The following LUZP2 variants were observed in gnomAD, a reference collection of about 807,000 sequenced individuals.
The protein encoded by LUZP2 is leucine zipper protein 2.
In LUZP2, 52 loss-of-function variants were observed where a neutral mutation model predicts 51.6. The observed-to-expected ratio is 1.01, with a 90% CI of 0.81 to 1.27. The LOEUF (loss-of-function observed/expected upper bound fraction) is 1.27. Among genes scored for constraint, LUZP2 ranks in the 50% most tolerant of loss-of-function variants. The probability of loss-of-function intolerance (pLI) is 0.00; values close to 1 mark genes in which losing one functional copy is unlikely to be tolerated. For synonymous variants in LUZP2, 154 were observed against 137.3 expected (o/e 1.12, Z -0.85); for missense variants, 436 against 395.4 (o/e 1.10, Z -0.87).
rs139205863 is a variant in LUZP2, at chr11:24,892,607, A to G, written c.397-13384A>G. Reference sequence around the variant, plus strand: ...AGTCAAGTGCTAATCTCTTGAATGAAGCTGAATTAGGTAGTCAACTACTAG... The same window carrying G: ...AGTCAAGTGCTAATCTCTTGAATGAGGCTGAATTAGGTAGTCAACTACTAG... On this transcript the variant is annotated intron_variant, in intron 5 of 11. Transcript: ENST00000336930. 489 of 273,910 alleles carry G rather than the reference A, an allele frequency of 1.8e-3. 2 individuals are homozygous for G. In the Middle Eastern group the frequency reaches 0.039, roughly 22 times the overall value. The allele number at this position is 273,910 out of a possible 1,614,324, so 17.0% of individuals were successfully genotyped here.
At position 24,738,216 on chromosome 11, in the gene LUZP2, A is replaced by G; in HGVS notation, c.252-5A>G. ...TCACTTATGCTCTGTTTTCTACTAA[A>G]ATAGAGAAGAAATGAAGTCTCTTCA... On this transcript the variant is annotated splice_polypyrimidine_tract_variant and splice_region_variant and intron_variant, in intron 3 of 11. Coordinates refer to ENST00000336930, the MANE Select transcript of LUZP2 (RefSeq NM_001009909.4). 1 of 1,592,326 alleles carries G rather than the reference A, an allele frequency of 6.3e-7. No individual in the cohort carries two copies. Among genetic ancestry groups the G allele is most frequent in the Non-Finnish European group, 8.6e-7 (1 of 1,163,052 alleles).
intron 7 of LUZP2, among the ~76,000 whole-genome samples, chr11:24,949,654 C>T (rs1404496886): frequency 1.3e-5 from 2 of 151,488 alleles, no homozygotes; most frequent in African/African-American, 2.4e-5. Flanking sequence ...GTTCGTAATA[C>T]TGGATTTGAA....
chr11:24,956,931 A>T (rs1458285212), intron 7 of LUZP2, among the ~76,000 whole-genome samples: 3 of 152,148 alleles, frequency 2.0e-5, no homozygotes, highest in African/African-American at 7.2e-5. Flanking sequence ...AATAAAAAAA[A>T]ATTAGAATAC....
intron 5 of LUZP2, among the ~76,000 whole-genome samples, chr11:24,862,188 A>C (rs1840487565): frequency 6.6e-6 from 1 of 152,224 alleles, no homozygotes; most frequent in Admixed American, 6.5e-5. Flanking sequence ...CATCAGACTA[A>C]CAGCAGACCT....
intron 9 of LUZP2, among the ~76,000 whole-genome samples, chr11:24,985,414 G>T (rs778538272): frequency 6.6e-6 from 1 of 151,264 alleles, no homozygotes; most frequent in African/African-American, 2.4e-5. Flanking sequence ...ATATTCTTTC[G>T]AATATATAAA....
intron 1 of LUZP2, among the ~76,000 whole-genome samples, chr11:24,652,130 G>A (rs181023069): frequency 2.3e-4 from 35 of 149,470 alleles, no homozygotes; most frequent in Middle Eastern, 3.5e-3. Context: ...GTGTGTGTGC[G>A]TATGTGTATC....
chr11:24,648,297 T>C (rs2133957701), intron 1 of LUZP2, among the ~76,000 whole-genome samples: 1 of 151,950 alleles, frequency 6.6e-6, no homozygotes, highest in South Asian at 2.1e-4. Context: ...TCTGTCTGCC[T>C]TGACTGCAAA....
intron 1 of LUZP2, among the ~76,000 whole-genome samples, chr11:24,711,253 TC>T (rs1234372875): frequency 6.8e-6 from 1 of 147,498 alleles, no homozygotes; most frequent in Middle Eastern, 3.2e-3. Context: ...ATCGAGACCA[TC>T]CTGGCTAACA....
At chr11:24,900,324 G>T (rs74643233) in intron 5 of LUZP2, among the ~76,000 whole-genome samples, 1 of 152,048 alleles carries the variant, frequency 6.6e-6, no homozygotes, top group South Asian at 2.1e-4. Flanking sequence ...TATCTTAGTG[G>T]TTAAGTCTTT....
intron 1 of LUZP2, among the ~76,000 whole-genome samples, chr11:24,642,846 A>G (rs1855339164): frequency 6.6e-6 from 1 of 152,018 alleles, no homozygotes; most frequent in Non-Finnish European, 1.5e-5. Context: ...GTAAGGGAGG[A>G]TTCTGGATAA....
In LUZP2 at chr11:24,994,190, A is replaced by G. The variant is rs1856432336; in HGVS notation, c.765+10897A>G. Among the ~76,000 whole-genome samples, 5 of 119,756 alleles carry G rather than the reference A, an allele frequency of 4.2e-5. No individual in the cohort carries two copies. In the Admixed American group the frequency reaches 5.0e-4, roughly 12 times the overall value. The allele number at this position is 119,756 out of a possible 152,430, so 78.6% of individuals were successfully genotyped here. ...TTTTTTTTTTTTTGGCACTTGTGAT[A>G]TTGCTATGTTTAATAAGACTTTGCC... On this transcript the variant is annotated intron_variant, in intron 9 of 11. Transcript: ENST00000336930.
At chr11:24,907,272 A>G (rs11028267) in intron 6 of LUZP2, among the ~76,000 whole-genome samples, 58,609 of 146,446 alleles carry the variant, frequency 0.4, 13,588 homozygotes, top group East Asian at 0.67. Context: ...CTCCTTGAAA[A>G]ACAAGAAAAA....
chr11:25,030,348 TAGAA>T (rs1189760427), intron 9 of LUZP2, among the ~76,000 whole-genome samples: 1 of 152,152 alleles, frequency 6.6e-6, no homozygotes, highest in Non-Finnish European at 1.5e-5. Flanking sequence ...CTCCTATTGA[TAGAA>T]AGGATAATTC....
chr11:25,036,944 A>G (rs1363267600), intron 9 of LUZP2, among the ~76,000 whole-genome samples: 1 of 152,056 alleles, frequency 6.6e-6, no homozygotes, highest in African/African-American at 2.4e-5. Context: ...TGTTGAGTGG[A>G]GTATTGTGTA....
intron 1 of LUZP2, among the ~76,000 whole-genome samples, chr11:24,673,113 C>T (rs890969434): frequency 6.6e-6 from 1 of 152,080 alleles, no homozygotes; most frequent in Non-Finnish European, 1.5e-5. Context: ...CTTCCTCCAT[C>T]CATGGAAAAA....
intron 5 of LUZP2, among the ~76,000 whole-genome samples, chr11:24,890,266 A>T (rs956613314): frequency 6.6e-6 from 1 of 152,210 alleles, no homozygotes; most frequent in Non-Finnish European, 1.5e-5. Context: ...CAAACCAATT[A>T]TATGTAGTTA....
Position 24,867,830 on chromosome 11 carries a change from C to G in LUZP2, c.397-38161C>G, listed in dbSNP as rs78999680. Among the ~76,000 whole-genome samples, 566 of 152,244 alleles carry G rather than the reference C, an allele frequency of 3.7e-3. 13 individuals are homozygous for G. The East Asian group carries it at 0.069, about 19-fold the overall frequency. The stretch of plus-strand genomic sequence containing the variant: ...TTGTCAAACTATGGTGCCAATGAAT[C>G]AACTTAAGAGTTCTTTTTAAAATGT... On this transcript the variant is annotated intron_variant, in intron 5 of 11. Coordinates refer to ENST00000336930, the MANE Select transcript of LUZP2 (RefSeq NM_001009909.4).
chr11:24,884,377 T>C (rs775204143), intron 5 of LUZP2, among the ~76,000 whole-genome samples: 1 of 152,032 alleles, frequency 6.6e-6, no homozygotes, highest in Non-Finnish European at 1.5e-5. Context: ...TGAATTCTTA[T>C]ATAAAGCATA....
chr11:24,802,324 G>T (rs1849719763), intron 5 of LUZP2, among the ~76,000 whole-genome samples: 1 of 151,882 alleles, frequency 6.6e-6, no homozygotes, highest in Non-Finnish European at 1.5e-5. Flanking sequence ...CTGTTGATAG[G>T]TATTTGGGTA....
Sources: gnomAD v4.1 joint callset for allele counts (sites outside exome capture counted in the v4.1 genomes callset) on GRCh38, gnomAD v4.1.1 for gene constraint, MANE v1.5 for transcripts, NCBI Gene and HGNC (gene_info 2026-07-23, HGNC 2026-07-21) for gene names.